ADARB2: variants seen among roughly 807,000 people sequenced by gnomAD.
The protein encoded by ADARB2 is adenosine deaminase RNA specific B2 (inactive).
Under a neutral mutation model 62.2 loss-of-function variants are expected in ADARB2, and 25 were observed. The observed-to-expected ratio is 0.40, with a 90% CI of 0.29 to 0.56. The LOEUF is 0.56. Ranked by LOEUF, ADARB2 falls within the 20% of genes least tolerant of loss-of-function variation. The pLI is 0.43. For missense variants in ADARB2, 1,071 were observed against 1,077.4 expected, an observed-to-expected ratio of 0.99 and a Z score of 0.08; for synonymous variants, 572 against 500.8, an observed-to-expected ratio of 1.14 and a Z score of -1.90.
At chr10:1,546,728 G>T (rs942808258) in intron 1 of ADARB2, among the ~76,000 whole-genome samples, 14 of 152,246 alleles carry the variant, frequency 9.2e-5, no homozygotes, top group Non-Finnish European at 1.6e-4. Flanking sequence ...GCTGGGCAAA[G>T]GGTGAAAACA....
intron 1 of ADARB2, among the ~76,000 whole-genome samples, chr10:1,490,995 A>C (rs930584942): frequency 4.6e-5 from 7 of 152,228 alleles, no homozygotes; most frequent in African/African-American, 1.4e-4. Context: ...AGGAACAATG[A>C]AAAAGTAACT....
At chr10:1,634,300 C>CTCTGTG (rs1252267658) in intron 1 of ADARB2, among the ~76,000 whole-genome samples, 1 of 152,224 alleles carries the variant, frequency 6.6e-6, no homozygotes, top group African/African-American at 2.4e-5. Context: ...AGACACAGCA[C>CTCTGTG]ACAGAGGTGA....
chr10:1,198,174 G>A (rs544266177), intron 8 of ADARB2, among the ~76,000 whole-genome samples: 3 of 152,174 alleles, frequency 2.0e-5, no homozygotes, highest in Non-Finnish European at 2.9e-5. Flanking sequence ...ACATTACTAT[G>A]CATCCCGTGA....
chr10:1,208,208 A>T (rs1301995764), intron 7 of ADARB2, among the ~76,000 whole-genome samples: 1 of 152,202 alleles, frequency 6.6e-6, no homozygotes, highest in Non-Finnish European at 1.5e-5. Context: ...TTTCCTGAAG[A>T]CCGGATAGGT....
At chr10:1,725,713 T>C (rs370528674) in intron 1 of ADARB2, among the ~76,000 whole-genome samples, 2 of 152,158 alleles carry the variant, frequency 1.3e-5, no homozygotes, top group African/African-American at 4.8e-5. Context: ...AGTTTGAATG[T>C]CCTCAGCCGC....
chr10:1,503,609 C>T (rs1216846499), intron 1 of ADARB2, among the ~76,000 whole-genome samples: 2 of 152,142 alleles, frequency 1.3e-5, no homozygotes, highest in African/African-American at 2.4e-5. Context: ...TGGTTCTGAT[C>T]TGTGTCCCCA....
intron 3 of ADARB2, among the ~76,000 whole-genome samples, chr10:1,273,202 C>T (rs946077231): frequency 9.2e-5 from 14 of 152,224 alleles, no homozygotes; most frequent in Admixed American, 5.9e-4. Flanking sequence ...GGCTGTTCAA[C>T]CTGCTGCACC....
intron 3 of ADARB2, among the ~76,000 whole-genome samples, chr10:1,359,832 C>T (rs1219479790): frequency 1.3e-5 from 2 of 152,256 alleles, no homozygotes; most frequent in Non-Finnish European, 2.9e-5. Context: ...AAGTGCAGAC[C>T]GCTGACCTCC....
At chr10:1,271,937 C>T (rs981581273) in intron 3 of ADARB2, among the ~76,000 whole-genome samples, 3 of 152,218 alleles carry the variant, frequency 2.0e-5, no homozygotes, top group Admixed American at 6.5e-5. Flanking sequence ...GTTAACTCCT[C>T]GGAGCCCATT....
intron 1 of ADARB2, among the ~76,000 whole-genome samples, chr10:1,388,047 C>T (rs1242130150): frequency 6.6e-6 from 1 of 152,014 alleles, no homozygotes; most frequent in Non-Finnish European, 1.5e-5. Context: ...TGCCAAACCT[C>T]CACACTCATA....
chr10:1,480,045 T>C (rs1182264552), intron 1 of ADARB2, among the ~76,000 whole-genome samples: 1 of 146,648 alleles, frequency 6.8e-6, no homozygotes, highest in Non-Finnish European at 1.5e-5. Context: ...CTCAATATGA[T>C]AAAAACCATA....
chr10:1,443,913 C>T (rs1242996522), intron 1 of ADARB2, among the ~76,000 whole-genome samples: 1 of 152,156 alleles, frequency 6.6e-6, no homozygotes, highest in African/African-American at 2.4e-5. Flanking sequence ...ACCACTATTG[C>T]AGGTTAACAC....
chr10:1,412,364 GTGT>G (rs889915879), intron 1 of ADARB2, among the ~76,000 whole-genome samples: 3 of 151,742 alleles, frequency 2.0e-5, no homozygotes, highest in African/African-American at 7.3e-5. Flanking sequence ...ATTAAAAGAT[GTGT>G]TTTTTTTTTG....
chr10:1,446,622 G>C (rs547575302), intron 1 of ADARB2, among the ~76,000 whole-genome samples: 1 of 152,330 alleles, frequency 6.6e-6, no homozygotes, highest in East Asian at 1.9e-4. Flanking sequence ...TCCCATTCCT[G>C]TTTGTCAGTG....
At chr10:1,585,233 C>A (rs903773590) in intron 1 of ADARB2, among the ~76,000 whole-genome samples, 1 of 152,046 alleles carries the variant, frequency 6.6e-6, no homozygotes, top group African/African-American at 2.4e-5. Flanking sequence ...CATGGGGTAA[C>A]TCTGTACTCA....
intron 1 of ADARB2, among the ~76,000 whole-genome samples, chr10:1,454,298 C>T (rs1418152467): frequency 6.6e-6 from 1 of 152,074 alleles, no homozygotes; most frequent in South Asian, 2.1e-4. Flanking sequence ...ATTGTGGGAG[C>T]TACAATTCAA....
At chr10:1,539,602 T>G (rs1470045528) in intron 1 of ADARB2, among the ~76,000 whole-genome samples, 1 of 152,256 alleles carries the variant, frequency 6.6e-6, no homozygotes, top group African/African-American at 2.4e-5. Context: ...TTTGGAACCC[T>G]GAAGTTGCCC....
chr10:1,456,596 A>G (rs1482210224), intron 1 of ADARB2, among the ~76,000 whole-genome samples: 1 of 152,096 alleles, frequency 6.6e-6, no homozygotes, highest in East Asian at 1.9e-4. Flanking sequence ...CGATCCTGCA[A>G]GGGACCATTT....
intron 3 of ADARB2, among the ~76,000 whole-genome samples, chr10:1,303,422 G>A (rs1831594065): frequency 6.6e-6 from 1 of 151,984 alleles, no homozygotes; most frequent in Non-Finnish European, 1.5e-5. Flanking sequence ...TGAAAGTGAT[G>A]GGGAGAATGG....
Sources: gnomAD v4.1 joint callset for allele counts (sites outside exome capture counted in the v4.1 genomes callset) on GRCh38, gnomAD v4.1.1 for gene constraint, MANE v1.5 for transcripts, NCBI Gene and HGNC (gene_info 2026-07-23, HGNC 2026-07-21) for gene names.